The following DLGAP5 variants were observed in gnomAD, a reference collection of about 807,000 sequenced individuals.
The protein encoded by DLGAP5 is DLG associated protein 5, also known as disks large-associated protein 5.
In DLGAP5, 90 loss-of-function variants were observed where a neutral mutation model predicts 99.6. The observed-to-expected ratio is 0.90, with a 90% confidence interval of 0.76 to 1.08. DLGAP5 has a LOEUF of 1.08. Among genes scored for constraint, DLGAP5 ranks in the 50% least tolerant of loss-of-function variants. The probability of loss-of-function intolerance (pLI) is 0.00; values close to 1 mark genes in which losing one functional copy is unlikely to be tolerated. For synonymous variants in DLGAP5, 311 were observed against 321.3 expected, an observed-to-expected ratio of 0.97 and a Z score of 0.34; for missense variants, 1,036 against 983.5, an observed-to-expected ratio of 1.05 and a Z score of -0.71.
chr14:55,185,543 G>A (rs190203088), intron 2 of DLGAP5, among the ~76,000 whole-genome samples: 77 of 152,066 alleles, frequency 5.1e-4, no homozygotes, highest in Non-Finnish European at 9.0e-4. Flanking sequence ...TTGGAGTGCA[G>A]TGGCGCAATC....
chr14:55,183,516 C>T (rs1248050264), intron 3 of DLGAP5, 44 bp downstream of exon 3: 1 of 1,447,990 alleles, frequency 6.9e-7, no homozygotes, highest in East Asian at 2.5e-5. Context: ...AAGAAAATAC[C>T]AAATAAAAGA....
chr14:55,152,532 A>G (rs1882053996), intron 16 of DLGAP5, 58 bp downstream of exon 16: 2 of 1,322,558 alleles, frequency 1.5e-6, no homozygotes, highest in Non-Finnish European at 2.1e-6. Context: ...GTTACTTTCT[A>G]TAATGATATA....
At chr14:55,149,961 G>A (rs1881957323) in intron 18 of DLGAP5, among the ~76,000 whole-genome samples, 1 of 151,656 alleles carries the variant, frequency 6.6e-6, no homozygotes, top group Non-Finnish European at 1.5e-5. Flanking sequence ...GCTGAGGCAG[G>A]AGAATCGCTT....
chr14:55,180,708 G>A lies in DLGAP5; in HGVS notation c.651C>T (p.Pro217=), dbSNP rs141197097. The change falls in exon 6 of 19, where the codon CCC becomes CCT. Residue 217 remains proline (P), a synonymous_variant. Coordinates refer to ENST00000247191, the MANE Select transcript of DLGAP5 (RefSeq NM_014750.5). ...TTGCTGTGGTAGATGAGACTGTTCT[G>A]GGAACCTGCTTTGCTGCTTGAGTAG... ...RSATQAAKQV[P]RTVSSTTARK... 4.3e-6 allele frequency: 7 copies of A among 1,613,976 alleles called. No homozygotes were observed. The highest frequency in any genetic ancestry group is 3.3e-4 in the Middle Eastern group (2 of 6,082).
At chr14:55,175,297 T>C in intron 10 of DLGAP5, 49 bp downstream of exon 10, 2 of 1,559,656 alleles carry the variant, frequency 1.3e-6, no homozygotes, top group Non-Finnish European at 8.7e-7. Flanking sequence ...TGGTTTTAAA[T>C]GTCTAGATAT....
At chr14:55,177,541 C>CTTT (rs775347897) in intron 7 of DLGAP5, among the ~76,000 whole-genome samples, 2 of 144,228 alleles carry the variant, frequency 1.4e-5, no homozygotes, top group African/African-American at 5.1e-5. Context: ...GGAATAGAAT[C>CTTT]TTTTTTTTTT....
At chr14:55,182,238 G>C in intron 4 of DLGAP5, 132 bp downstream of exon 4, 1 of 680,550 alleles carries the variant, frequency 1.5e-6, no homozygotes, top group South Asian at 2.1e-5. Context: ...ACTAAAAACA[G>C]TGACTTTGGT....
intron 13 of DLGAP5, 33 bp from the exon 14 acceptor site, chr14:55,158,774 C>T: frequency 6.7e-7 from 1 of 1,493,674 alleles, no homozygotes; most frequent in Non-Finnish European, 9.2e-7. Context: ...TAAAGCTGCC[C>T]ATTACCATCT....
intron 12 of DLGAP5, among the ~76,000 whole-genome samples, chr14:55,167,824 C>A (rs1159338493): frequency 6.6e-6 from 1 of 152,206 alleles, no homozygotes. Flanking sequence ...CAATGCTACT[C>A]TAACCATTGA....
chr14:55,151,153 G>A (rs574892374), intron 17 of DLGAP5, among the ~76,000 whole-genome samples: 6 of 152,278 alleles, frequency 3.9e-5, no homozygotes, highest in African/African-American at 1.4e-4. Context: ...TTTTACCATA[G>A]GCCCCAGTTA....
chr14:55,174,434 A>G (rs1488392797), intron 10 of DLGAP5, among the ~76,000 whole-genome samples: 1 of 151,704 alleles, frequency 6.6e-6, no homozygotes, highest in Admixed American at 6.6e-5. Context: ...ATTACCTTGT[A>G]AAGTACTTGA....
chr14:55,165,688 C>T (rs1882616817), intron 12 of DLGAP5, among the ~76,000 whole-genome samples: 1 of 152,088 alleles, frequency 6.6e-6, no homozygotes, highest in African/African-American at 2.4e-5. Flanking sequence ...ATGTTTTTTC[C>T]TATTCATACA....
intron 2 of DLGAP5, among the ~76,000 whole-genome samples, chr14:55,185,959 T>C (rs1467472963): frequency 6.6e-6 from 1 of 152,218 alleles, no homozygotes; most frequent in Non-Finnish European, 1.5e-5. Context: ...AATACTTTAG[T>C]ATATACTTCT....
intron 12 of DLGAP5, among the ~76,000 whole-genome samples, chr14:55,164,144 C>A (rs1205746281): frequency 2.0e-5 from 3 of 152,132 alleles, no homozygotes; most frequent in Non-Finnish European, 2.9e-5. Flanking sequence ...CACTTATACA[C>A]ACATATCCTC....
chr14:55,177,838 G>A (rs1883134198), intron 7 of DLGAP5, among the ~76,000 whole-genome samples: 1 of 151,148 alleles, frequency 6.6e-6, no homozygotes, highest in Non-Finnish European at 1.5e-5. Context: ...CACCCACCCC[G>A]AACCAATTCT....
intron 16 of DLGAP5, 33 bp from the exon 17 acceptor site, chr14:55,151,974 CA>C: frequency 6.3e-7 from 1 of 1,579,844 alleles, no homozygotes; most frequent in South Asian, 1.2e-5. Context: ...ATTTAATTAT[CA>C]ATTTAATTAC....
rs1398985312 is a variant in DLGAP5, at chr14:55,182,361, C to CAACT, written c.495+5_495+8dup. On this transcript the variant is annotated intron_variant, in intron 4 of 18. Coordinates refer to ENST00000247191, the MANE Select transcript of DLGAP5 (RefSeq NM_014750.5). ...CATTTTAGTAACAATTATCTACTAT[C>CAACT]AACTATACCTTAGTCTGCTCCATTT... 13 of 1,605,668 alleles carry CAACT rather than the reference C, an allele frequency of 8.1e-6. No homozygotes were observed. Among genetic ancestry groups the CAACT allele is most frequent in the Non-Finnish European group, 1.1e-5 (13 of 1,176,486 alleles).
In DLGAP5 at chr14:55,151,733, C is replaced by T. The variant is rs766799721; in HGVS notation, c.2330G>A (p.Ser777Asn). 15 of 1,613,624 alleles carry T rather than the reference C, an allele frequency of 9.3e-6. No individual in the cohort carries two copies. The South Asian group carries it at 1.5e-4, about 17-fold the overall frequency. The stretch of plus-strand genomic sequence containing the variant: ...TTTAGTTTCCCCTTCTTCTAAGATG[C>T]TATTTTGTGAAGCTGTATTTTTTTC... ...SPEKNTASQN[S>N]ILEEGETKIS... is the part of the protein sequence containing the mutation. Residue 777 changes from serine to asparagine, a missense_variant, in exon 17 of 19, where the codon AGC becomes AAC. Ser to Asn is a conservative substitution (Grantham distance 46). Coordinates refer to ENST00000247191, the MANE Select transcript of DLGAP5 (RefSeq NM_014750.5).
chr14:55,176,995 A>AC, intron 8 of DLGAP5, 67 bp downstream of exon 8: 1 of 1,025,446 alleles, frequency 9.8e-7, no homozygotes, highest in Non-Finnish European at 1.2e-6. Context: ...AAAAAAAAAA[A>AC]AAAAAAAAAG....
Sources: gnomAD v4.1 joint callset for allele counts (sites outside exome capture counted in the v4.1 genomes callset) on GRCh38, gnomAD v4.1.1 for gene constraint, MANE v1.5 for transcripts, NCBI Gene and HGNC (gene_info 2026-07-23, HGNC 2026-07-21) for gene names.